ZNF888: variants seen among roughly 807,000 people sequenced by gnomAD.
ZNF888 encodes the protein CTD-2331H12.6.
In ZNF888, 5 loss-of-function variants were observed where a neutral mutation model predicts 7.2. That is an observed-to-expected ratio of 0.70 (90% CI 0.36 to 1.46). The LOEUF (loss-of-function observed/expected upper bound fraction) is 1.46. Ranked by LOEUF, ZNF888 falls within the 40% of genes most tolerant of loss-of-function variation. The probability of loss-of-function intolerance (pLI) is 0.03; values close to 1 mark genes in which losing one functional copy is unlikely to be tolerated. For synonymous variants in ZNF888, 240 were observed against 284.3 expected (o/e 0.84, Z 1.57); for missense variants, 716 against 858.0 (o/e 0.83, Z 2.07).
chr19:52,916,674 G>T (rs2064755537), intron 3 of ZNF888, among the ~76,000 whole-genome samples: 1 of 145,610 alleles, frequency 6.9e-6, no homozygotes. Flanking sequence ...AGCAAGTTTT[G>T]TTTAAGTGAA....
chr19:52,920,104 A>AG (rs2064807359), intron 1 of ZNF888, among the ~76,000 whole-genome samples: 1 of 45,944 alleles, frequency 2.2e-5, no homozygotes. Context: ...CGCCCTATCC[A>AG]GGAGGTGAGG....
At chr19:52,922,489 G>C (rs1044384157) in intron 1 of ZNF888, among the ~76,000 whole-genome samples, 2 of 151,978 alleles carry the variant, frequency 1.3e-5, no homozygotes, top group African/African-American at 2.4e-5. Flanking sequence ...CTACCTTGCT[G>C]TCTGTCCTTC....
At chr19:52,912,321 G>A (rs1432443593) in intron 4 of ZNF888, among the ~76,000 whole-genome samples, 4 of 149,102 alleles carry the variant, frequency 2.7e-5, no homozygotes, top group African/African-American at 7.4e-5. Flanking sequence ...CACCATGTTA[G>A]CCAGGATGGC....
chr19:52,922,605 G>T, intron 1 of ZNF888, among the ~76,000 whole-genome samples: 1 of 152,180 alleles, frequency 6.6e-6, no homozygotes, highest in Non-Finnish European at 1.5e-5. Flanking sequence ...GCAAATCCCT[G>T]ACCATCCCCT....
chr19:52,907,572 G>C lies in ZNF888; in HGVS notation c.750C>G (p.Asp250Glu). The C allele has an allele frequency of 6.2e-7, 1 of 1,609,340 alleles. No individual in the cohort carries two copies. The highest frequency in any genetic ancestry group is 8.5e-7 in the Non-Finnish European group (1 of 1,177,942). The stretch of plus-strand genomic sequence containing the variant: ...GTGCAAGGTATCGCTTCTGATTAAA[G>C]TCTTTGCCACATACATCACATTTAT... Reference protein sequence around the residue: ...KQYKCDVCGKDFNQKRYLAHH... With the variant: ...KQYKCDVCGKEFNQKRYLAHH... Residue 250 changes from aspartate to glutamate, a missense_variant, in exon 5 of 5, where the codon GAC (aspartate) becomes GAG (glutamate). By Grantham distance (45) the Asp-to-Glu change is conservative. Transcript: ENST00000638862.
chr19:52,907,953 G>C lies in ZNF888; in HGVS notation c.369C>G (p.Asp123Glu). ...TEIKELTGST[D>E]QYDQRHAGNK... is the part of the protein sequence containing the mutation. ...TTCCAGCATGCCTTTGATCATATTG[G>C]TCTGTACTACCCGTCAACTCTTTGA... The change falls in exon 5 of 5, where the codon GAC becomes GAG. Residue 123 changes from aspartate to glutamate, a missense_variant. Asp to Glu is a conservative substitution (Grantham distance 45, BLOSUM62 2). This residue lies in a region of ZNF888 where 697 missense variants were observed against 803.4 expected (regional missense o/e 0.87). Coordinates refer to ENST00000638862, the MANE Select transcript of ZNF888 (RefSeq NM_001393938.1). 5 of 1,614,050 alleles carry C rather than the reference G, an allele frequency of 3.1e-6. No homozygotes were observed. The highest frequency in any genetic ancestry group is 4.2e-6 in the Non-Finnish European group (5 of 1,179,998).
intron 3 of ZNF888, among the ~76,000 whole-genome samples, chr19:52,916,824 A>G (rs78720048): frequency 6.6e-6 from 1 of 151,722 alleles, no homozygotes; most frequent in Non-Finnish European, 1.5e-5. Context: ...AGGATGAAGA[A>G]TCACTTGAAC....
intron 3 of ZNF888, 62 bp from the exon 4 acceptor site, chr19:52,915,384 T>C: frequency 1.9e-6 from 3 of 1,611,928 alleles, no homozygotes; most frequent in Non-Finnish European, 2.5e-6. Context: ...TTACAGAAAA[T>C]GAGAAGAAGA....
In ZNF888 at chr19:52,912,004, G is replaced by A. The variant is rs1002050250; in HGVS notation, c.142+3192C>T. Among the ~76,000 whole-genome samples, 9 of 150,690 alleles carry A rather than the reference G, an allele frequency of 6.0e-5. No homozygotes were observed. In the East Asian group the frequency reaches 8.0e-4, roughly 13 times the overall value. On this transcript the variant is annotated intron_variant, in intron 4 of 4. Coordinates refer to ENST00000638862, the MANE Select transcript of ZNF888 (RefSeq NM_001393938.1). ...AATTTTTTGTATTTTTAGTAGAGAA[G>A]GGGTTTCACCGTGTTAGTCAGGATG...
chr19:52,910,556 T>A (rs956975940), intron 4 of ZNF888, among the ~76,000 whole-genome samples: 6 of 152,186 alleles, frequency 3.9e-5, no homozygotes, highest in African/African-American at 1.4e-4. Flanking sequence ...GATGCAGACT[T>A]GGAGAGAATT....
intron 4 of ZNF888, among the ~76,000 whole-genome samples, chr19:52,908,562 A>G (rs1264679241): frequency 6.6e-6 from 1 of 152,220 alleles, no homozygotes; most frequent in African/African-American, 2.4e-5. Flanking sequence ...ATAGAAATAA[A>G]TGCTAAAGGA....
chr19:52,908,284 A>C, intron 4 of ZNF888, 105 bp from the exon 5 acceptor site: 1 of 1,123,202 alleles, frequency 8.9e-7, no homozygotes, highest in Non-Finnish European at 1.3e-6. Context: ...TAAACATCTC[A>C]AACATGAGCT....
chr19:52,918,636 G>A (rs1381173802), intron 2 of ZNF888, among the ~76,000 whole-genome samples, 183 bp downstream of exon 2: 1 of 152,048 alleles, frequency 6.6e-6, no homozygotes, highest in Non-Finnish European at 1.5e-5. Context: ...AGGCTTTGTG[G>A]GCATCTGTAA....
chr19:52,905,910 T>C lies in ZNF888; in HGVS notation c.*255A>G. 1.3e-6 allele frequency: 1 copy of C among 794,554 alleles called. No homozygotes were observed. The highest frequency in any genetic ancestry group is 2.3e-4 in the Middle Eastern group (1 of 4,360). The allele number at this position is 794,554 out of a possible 1,614,324, so 49.2% of individuals were successfully genotyped here. A position where few individuals can be genotyped will look rare whatever the true frequency, so the allele number is the denominator to read the frequency against. ...GAAGTAAAGGCTTTGCTCACAATCATCACACTTGTGAGGTTTCTCTCCTGT... is the reference window on the plus strand; with the variant it reads ...GAAGTAAAGGCTTTGCTCACAATCACCACACTTGTGAGGTTTCTCTCCTGT... On this transcript the variant is annotated 3_prime_UTR_variant, in exon 5 of 5. Transcript: ENST00000638862.
intron 3 of ZNF888, among the ~76,000 whole-genome samples, chr19:52,915,528 G>A (rs948001585): frequency 1.3e-5 from 1 of 77,420 alleles, no homozygotes. Context: ...AGGCTGGAGT[G>A]CAGTGGCATG....
Position 52,905,976 on chromosome 19 carries a change from G to A in ZNF888, c.*189C>T. ...TTGCATAGGATGAAGCTTGACTGAA[G>A]ACCTTGCCTCAATCATGACATTTGT... is the stretch of plus-strand genomic sequence containing the variant. On this transcript the variant is annotated 3_prime_UTR_variant, in exon 5 of 5. Coordinates refer to ENST00000638862, the MANE Select transcript of ZNF888 (RefSeq NM_001393938.1). 1 of 928,546 alleles carries A rather than the reference G, an allele frequency of 1.1e-6. No homozygotes were observed. The allele number at this position is 928,546 out of a possible 1,614,324, so 57.5% of individuals were successfully genotyped here.
At chr19:52,916,736 G>A (rs528377379) in intron 3 of ZNF888, among the ~76,000 whole-genome samples, 1 of 151,626 alleles carries the variant, frequency 6.6e-6, no homozygotes, top group African/African-American at 2.4e-5. Flanking sequence ...GGGGCTGGGG[G>A]GAATCTTGTC....
chr19:52,906,924 G>A lies in ZNF888; in HGVS notation c.1398C>T (p.Tyr466=). 6.2e-7 allele frequency: 1 copy of A among 1,613,204 alleles called. No homozygotes were observed. Among genetic ancestry groups the A allele is most frequent in the Non-Finnish European group, 8.5e-7 (1 of 1,179,844 alleles). The change falls in exon 5 of 5, where the codon TAC becomes TAT. Residue 466 remains tyrosine, a synonymous_variant. Transcript: ENST00000638862. Reference sequence around the variant, plus strand: ...AAACTTTGTCACATTCTTTACATTTGTAAGGTTTCTCTCCAGTATGAAGTC... The same window carrying A: ...AAACTTTGTCACATTCTTTACATTTATAAGGTTTCTCTCCAGTATGAAGTC... ...HHRLHTGEKP[Y]KCKECDKVFS...
At position 52,922,809 on chromosome 19, in the gene ZNF888, T is replaced by C. The variant is rs1397443879; in HGVS notation, c.-178+560A>G. On this transcript the variant is annotated intron_variant, in intron 1 of 4. Transcript: ENST00000638862. ...GAGCTGGGCAGGCAAGAACACCCCG[T>C]GTCACAGGACAGGCCCCGGGTACCT... Among the ~76,000 whole-genome samples, 6 of 152,238 alleles carry C rather than the reference T, an allele frequency of 3.9e-5. No homozygotes were observed. The East Asian group carries it at 7.7e-4, about 20-fold the overall frequency.
Sources: gnomAD v4.1 joint callset for allele counts (sites outside exome capture counted in the v4.1 genomes callset) on GRCh38, gnomAD v4.1.1 for gene constraint, gnomAD v4.1.1 regional missense constraint, MANE v1.5 for transcripts, NCBI Gene and HGNC (gene_info 2026-07-23, HGNC 2026-07-21) for gene names.